RFC3: variants seen among roughly 807,000 people sequenced by gnomAD.
RFC3 encodes replication factor C subunit 3.
A neutral mutation model predicts 45.1 loss-of-function variants in RFC3; 41 were observed. The observed-to-expected ratio is 0.91, with a 90% CI of 0.71 to 1.18. RFC3 has a LOEUF of 1.18. Among genes scored for constraint, RFC3 ranks in the 50% most tolerant of loss-of-function variants. The probability of loss-of-function intolerance (pLI) is 0.00; values close to 1 mark genes in which losing one functional copy is unlikely to be tolerated. For synonymous variants in RFC3, 149 were observed against 144.0 expected (o/e 1.03, Z -0.25); for missense variants, 423 against 428.1 (o/e 0.99, Z 0.10).
intron 8 of RFC3, among the ~76,000 whole-genome samples, chr13:33,902,097 TA>T (rs1593679327): frequency 6.6e-6 from 1 of 151,928 alleles, no homozygotes; most frequent in Non-Finnish European, 1.5e-5. Flanking sequence ...CAGTTCAGGT[TA>T]AAAAAATGGT....
intron 8 of RFC3, among the ~76,000 whole-genome samples, chr13:33,890,410 A>G (rs1387778246): frequency 6.6e-6 from 1 of 152,164 alleles, no homozygotes; most frequent in Non-Finnish European, 1.5e-5. Flanking sequence ...GATAATAGCA[A>G]TGTTAATCTG....
At chr13:33,876,974 A>G (rs751523766) in intron 8 of RFC3, among the ~76,000 whole-genome samples, 3 of 152,158 alleles carry the variant, frequency 2.0e-5, no homozygotes, top group Non-Finnish European at 2.9e-5. Context: ...GCAGACACTG[A>G]TTTCTTTTTT....
chr13:33,824,515 T>C (rs955902867), intron 3 of RFC3, among the ~76,000 whole-genome samples: 3 of 152,114 alleles, frequency 2.0e-5, no homozygotes, highest in Non-Finnish European at 4.4e-5. Flanking sequence ...TATTAAGCAT[T>C]AAGTGGTGTA....
the RFC3 span, among the ~76,000 whole-genome samples, chr13:33,974,045 G>A: frequency 6.6e-6 from 1 of 152,148 alleles, no homozygotes; most frequent in South Asian, 2.1e-4. Context: ...TACAGGACTG[G>A]CAGTAACAGT....
At chr13:33,970,400 A>G (rs989918335), downstream of RFC3, among the ~76,000 whole-genome samples, 8 of 152,306 alleles carry the variant, frequency 5.3e-5, no homozygotes, top group South Asian at 2.1e-4. Flanking sequence ...GAACATAAAC[A>G]TGCATGTATT....
intron 8 of RFC3, among the ~76,000 whole-genome samples, chr13:33,895,964 G>A (rs931862696): frequency 7.9e-5 from 12 of 152,226 alleles, no homozygotes; most frequent in African/African-American, 2.6e-4. Context: ...CTATGGGTAT[G>A]CAAAGGCATA....
intron 8 of RFC3, among the ~76,000 whole-genome samples, chr13:33,927,479 G>A (rs993521049): frequency 7.9e-5 from 12 of 152,138 alleles, no homozygotes; most frequent in Admixed American, 2.6e-4. Flanking sequence ...TGTTTTCTTG[G>A]AAGGGGCTTG....
At chr13:33,973,655 C>CTT in the RFC3 span, among the ~76,000 whole-genome samples, 258 of 134,880 alleles carry the variant, frequency 1.9e-3, 1 homozygote, top group African/African-American at 6.2e-3. Flanking sequence ...TCTTCTTCTT[C>CTT]TTTTTTTTTT....
chr13:33,841,853 G>C (rs188854841), downstream of RFC3, among the ~76,000 whole-genome samples: 683 of 152,236 alleles, frequency 4.5e-3, 4 homozygotes, highest in African/African-American at 0.016. Flanking sequence ...GCATGTCCTG[G>C]AGATCATTGG....
At chr13:33,866,833 G>A (rs1293118316) in intron 8 of RFC3, among the ~76,000 whole-genome samples, 2 of 152,176 alleles carry the variant, frequency 1.3e-5, no homozygotes, top group African/African-American at 4.8e-5. Context: ...GGAGGAATAG[G>A]TATTTAAAAA....
At chr13:33,891,037 AAG>A (rs1312577059) in intron 8 of RFC3, among the ~76,000 whole-genome samples, 1 of 152,228 alleles carries the variant, frequency 6.6e-6, no homozygotes, top group Non-Finnish European at 1.5e-5. Context: ...CAAGGTGAAA[AAG>A]GTTATAATTT....
At chr13:33,934,958 A>G (rs2082877028) in intron 8 of RFC3, among the ~76,000 whole-genome samples, 1 of 152,066 alleles carries the variant, frequency 6.6e-6, no homozygotes, top group African/African-American at 2.4e-5. Context: ...TCACATTGTG[A>G]TGCACCCTGC....
intron 8 of RFC3, among the ~76,000 whole-genome samples, chr13:33,965,224 A>G (rs989853223): frequency 1.3e-5 from 2 of 152,212 alleles, no homozygotes; most frequent in African/African-American, 4.8e-5. Flanking sequence ...ACCTTGGGCA[A>G]GTTGATAAAC....
At chr13:33,832,145 A>G (rs1444797803) in intron 7 of RFC3, among the ~76,000 whole-genome samples, 1 of 152,184 alleles carries the variant, frequency 6.6e-6, no homozygotes, top group Admixed American at 6.5e-5. Context: ...CTTTCCTCCA[A>G]ATAAAAAATG....
intron 8 of RFC3, among the ~76,000 whole-genome samples, chr13:33,861,462 T>C (rs1478079668): frequency 6.6e-6 from 1 of 152,088 alleles, no homozygotes; most frequent in Non-Finnish European, 1.5e-5. Context: ...ACTCTGTCTC[T>C]ACTAAAAATA....
In RFC3 at chr13:33,940,264, A is replaced by AT. The variant is rs536073899; in HGVS notation, c.880-25819dup. On this transcript the variant is annotated intron_variant, in intron 8 of 8. Transcript: ENST00000434425. Reference sequence around the variant, plus strand: ...GTATGACTTCAACTGCCCTCCACAAATTTTATTATATCTGATATTTACTAT... The same window carrying AT: ...GTATGACTTCAACTGCCCTCCACAAATTTTTATTATATCTGATATTTACTAT... 7.9e-3 allele frequency among the ~76,000 whole-genome samples: 1,201 copies of AT among 152,130 alleles called. 6 individuals are homozygous for AT. The highest frequency in any genetic ancestry group is 0.012 in the Non-Finnish European group (804 of 67,984).
At chr13:33,838,949 C>T (rs943609226), downstream of RFC3, among the ~76,000 whole-genome samples, 3 of 152,036 alleles carry the variant, frequency 2.0e-5, no homozygotes, top group Non-Finnish European at 2.9e-5. Flanking sequence ...TTGTCTCCAC[C>T]GCATTGTGCA....
At chr13:33,910,873 G>C (rs2082700086) in intron 8 of RFC3, among the ~76,000 whole-genome samples, 2 of 152,002 alleles carry the variant, frequency 1.3e-5, no homozygotes, top group Non-Finnish European at 2.9e-5. Flanking sequence ...AGGGGGAGCA[G>C]AGCAGGAGGA....
chr13:33,891,933 A>C (rs1301503899), intron 8 of RFC3, among the ~76,000 whole-genome samples: 1 of 152,172 alleles, frequency 6.6e-6, no homozygotes, highest in Non-Finnish European at 1.5e-5. Flanking sequence ...TCAGAAAATA[A>C]TTTCTAGGCA....
Sources: gnomAD v4.1 joint callset for allele counts (sites outside exome capture counted in the v4.1 genomes callset) on GRCh38, gnomAD v4.1.1 for gene constraint, MANE v1.5 for transcripts, NCBI Gene and HGNC (gene_info 2026-07-23, HGNC 2026-07-21) for gene names.